The following ANXA10 variants were observed in gnomAD, a reference collection of about 807,000 sequenced individuals.
The protein encoded by ANXA10 is annexin 14.
A neutral mutation model predicts 53.5 loss-of-function variants in ANXA10; 49 were observed. The observed-to-expected ratio is 0.92, with a 90% CI of 0.73 to 1.16. ANXA10 has a LOEUF of 1.16. Among genes scored for constraint, ANXA10 ranks in the 50% most tolerant of loss-of-function variants. ANXA10 has a pLI of 0.00. For missense variants in ANXA10, 393 were observed against 394.4 expected, an observed-to-expected ratio of 1.00 and a Z score of 0.03; for synonymous variants, 131 against 128.9, an observed-to-expected ratio of 1.02 and a Z score of -0.11.
At chr4:168,136,457 T>G (rs1282431346) in intron 2 of ANXA10, among the ~76,000 whole-genome samples, 1 of 152,278 alleles carries the variant, frequency 6.6e-6, no homozygotes, top group South Asian at 2.1e-4. Flanking sequence ...GGCTAAATAC[T>G]CTCTTTCCAA....
intron 1 of ANXA10, among the ~76,000 whole-genome samples, chr4:168,097,643 T>C (rs1213974348): frequency 1.3e-5 from 2 of 152,112 alleles, no homozygotes; most frequent in Non-Finnish European, 2.9e-5. Flanking sequence ...GGTTCTCTCA[T>C]ACCTTACATT....
intron 3 of ANXA10, among the ~76,000 whole-genome samples, chr4:168,148,196 G>A (rs1491001532): frequency 2.0e-5 from 3 of 149,846 alleles, no homozygotes; most frequent in Non-Finnish European, 3.0e-5. Context: ...TTTTTGAGAC[G>A]GAATCTTGCT....
intron 10 of ANXA10, among the ~76,000 whole-genome samples, chr4:168,183,199 C>T (rs1732295388): frequency 6.6e-6 from 1 of 152,072 alleles, no homozygotes; most frequent in African/African-American, 2.4e-5. Context: ...AGCCAGCATG[C>T]TGGGAAAATA....
intron 3 of ANXA10, among the ~76,000 whole-genome samples, chr4:168,157,280 T>C (rs1731702943): frequency 6.6e-6 from 1 of 152,062 alleles, no homozygotes; most frequent in Non-Finnish European, 1.5e-5. Context: ...TTTTTTTTTC[T>C]TTTTTGATAC....
intron 1 of ANXA10, among the ~76,000 whole-genome samples, chr4:168,125,235 C>G (rs1731049663): frequency 6.6e-6 from 1 of 152,142 alleles, no homozygotes; most frequent in South Asian, 2.1e-4. Context: ...ATGCCATGTT[C>G]TGGGTAAATG....
At chr4:168,139,232 T>C (rs537065888) in intron 2 of ANXA10, among the ~76,000 whole-genome samples, 1 of 152,304 alleles carries the variant, frequency 6.6e-6, no homozygotes, top group East Asian at 1.9e-4. Flanking sequence ...GAGTTTGTCA[T>C]ATATGGCTTT....
In ANXA10 at chr4:168,139,558, C is replaced by G. The variant is rs1488486059; in HGVS notation, c.173C>G (p.Ala58Gly). Residue 58 changes from alanine (A) to glycine (G), a missense_variant, in exon 3 of 12, where the codon GCA becomes GGA. Physicochemically the swap from Ala to Gly is moderately conservative, Grantham distance 60 (BLOSUM62 0). Coordinates refer to ENST00000359299, the MANE Select transcript of ANXA10 (RefSeq NM_007193.5). ...GCACAAAGGATGATGATTGCAGAGGCATACCAGAGCATGTATGGCCGGGTA... is the reference window on the plus strand; with the variant it reads ...GCACAAAGGATGATGATTGCAGAGGGATACCAGAGCATGTATGGCCGGGTA... ...CNAQRMMIAEAYQSMYGRDLI... is the reference protein window; with the variant it reads ...CNAQRMMIAEGYQSMYGRDLI... 1 of 1,611,222 alleles carries G rather than the reference C, an allele frequency of 6.2e-7. No homozygotes were observed.
chr4:168,098,744 AC>A (rs1324595876), intron 1 of ANXA10, among the ~76,000 whole-genome samples: 14 of 151,852 alleles, frequency 9.2e-5, no homozygotes, highest in African/African-American at 2.7e-4. Context: ...CCTCAGTTAT[AC>A]TTTTATTTAT....
chr4:168,160,032 T>TTGAG (rs1325327143), intron 3 of ANXA10, among the ~76,000 whole-genome samples: 6 of 152,254 alleles, frequency 3.9e-5, no homozygotes, highest in African/African-American at 1.2e-4. Context: ...AGAAAATAAA[T>TTGAG]TGAGTATATA....
intron 1 of ANXA10, among the ~76,000 whole-genome samples, chr4:168,099,016 T>G (rs771604359): frequency 5.3e-5 from 8 of 152,156 alleles, no homozygotes; most frequent in Non-Finnish European, 1.2e-4. Flanking sequence ...TTGAAACATT[T>G]CTGCTATTTT....
chr4:168,149,852 C>G (rs915112848), intron 3 of ANXA10, among the ~76,000 whole-genome samples: 2 of 152,168 alleles, frequency 1.3e-5, no homozygotes, highest in Non-Finnish European at 2.9e-5. Flanking sequence ...GCCAATCTTT[C>G]AATGCTGAAT....
chr4:168,153,442 CAAAAACAAAAACAAAACA>C (rs1731536983), intron 3 of ANXA10, among the ~76,000 whole-genome samples: 3 of 42,934 alleles, frequency 7.0e-5, no homozygotes, highest in African/African-American at 2.0e-4. Flanking sequence ...AAAAAAAAAA[CAAAAACAAAAACAAAACA>C]AAAAAAAAAA....
chr4:168,121,784 T>G (rs532720349), intron 1 of ANXA10, among the ~76,000 whole-genome samples: 7 of 152,114 alleles, frequency 4.6e-5, no homozygotes, highest in Non-Finnish European at 1.0e-4. Context: ...CAGGGAAACA[T>G]TCCCTTTAGT....
chr4:168,130,934 C>T (rs1731146753), intron 2 of ANXA10, among the ~76,000 whole-genome samples: 1 of 151,080 alleles, frequency 6.6e-6, no homozygotes, highest in Non-Finnish European at 1.5e-5. Flanking sequence ...ATGTTTCCCC[C>T]AAAAAAAACC....
Position 168,164,178 on chromosome 4 carries a change from C to G in ANXA10, c.310-20C>G, listed in dbSNP as rs756392870. ...CCAATAAAAATATCCTTACATTTAT[C>G]TCTTTTTTCCTTTCTCTAGGGAGTA... On this transcript the variant is annotated intron_variant, in intron 4 of 11. Coordinates refer to ENST00000359299, the MANE Select transcript of ANXA10 (RefSeq NM_007193.5). 1.3e-6 allele frequency: 2 copies of G among 1,526,522 alleles called. No individual in the cohort carries two copies. The highest frequency in any genetic ancestry group is 2.3e-5 in the South Asian group (2 of 88,700). 94.6% of individuals were successfully genotyped at this position (1,526,522 alleles called of 1,614,324 possible).
chr4:168,179,620 T>C (rs529599343), intron 9 of ANXA10, among the ~76,000 whole-genome samples: 1 of 152,208 alleles, frequency 6.6e-6, no homozygotes, highest in Non-Finnish European at 1.5e-5. Context: ...CACTGTTCAA[T>C]CCATTTTATC....
intron 3 of ANXA10, among the ~76,000 whole-genome samples, chr4:168,144,864 T>C (rs895083164): frequency 6.6e-6 from 1 of 152,160 alleles, no homozygotes; most frequent in Non-Finnish European, 1.5e-5. Flanking sequence ...CTCCTTGCCC[T>C]GTGACAAGAC....
chr4:168,184,614 TAGA>T lies in ANXA10; in HGVS notation c.840_842del (p.Asp281del). ...AGGATTCTCATTGCCAGAAGTGAAA[TAGA>T]CCTGCTGACCATAAGGAAACGATAC... is the stretch of plus-strand genomic sequence containing the variant. On this transcript the variant is annotated inframe_deletion, in exon 11 of 12. Coordinates refer to ENST00000359299, the MANE Select transcript of ANXA10 (RefSeq NM_007193.5). The T allele has an allele frequency of 6.2e-7, 1 of 1,614,000 alleles. No homozygotes were observed. Among genetic ancestry groups the T allele is most frequent in the Non-Finnish European group, 8.5e-7 (1 of 1,179,896 alleles).
At chr4:168,139,841 C>T (rs1731299022) in intron 3 of ANXA10, among the ~76,000 whole-genome samples, 1 of 152,134 alleles carries the variant, frequency 6.6e-6, no homozygotes, top group Non-Finnish European at 1.5e-5. Context: ...TCAGTGTCCC[C>T]AAATGAAAAG....
Sources: gnomAD v4.1 joint callset for allele counts (sites outside exome capture counted in the v4.1 genomes callset) on GRCh38, gnomAD v4.1.1 for gene constraint, MANE v1.5 for transcripts, NCBI Gene and HGNC (gene_info 2026-07-23, HGNC 2026-07-21) for gene names.